The following SGCZ variants were observed in gnomAD, a reference collection of about 807,000 sequenced individuals.
SGCZ encodes zeta-sarcoglycan.
Under a neutral mutation model 41.3 loss-of-function variants are expected in SGCZ, and 40 were observed. The ratio of observed to expected loss-of-function variants is 0.97; its 90% confidence interval spans 0.75 to 1.26. SGCZ has a LOEUF of 1.26. SGCZ is among the 50% of genes most tolerant of loss of function. The pLI is 0.00. For missense variants in SGCZ, 552 were observed against 369.8 expected (o/e 1.49, Z -4.04); for synonymous variants, 206 against 137.5 (o/e 1.50, Z -3.49).
chr8:14,555,102 G>C (rs191412335), intron 1 of SGCZ, among the ~76,000 whole-genome samples, 176 bp from the exon 2 acceptor site: 3 of 151,934 alleles, frequency 2.0e-5, no homozygotes, highest in East Asian at 3.9e-4. Context: ...GAATCATTTT[G>C]TTCAATATAG....
chr8:14,346,772 T>C (rs1802903874), intron 2 of SGCZ, among the ~76,000 whole-genome samples: 1 of 152,084 alleles, frequency 6.6e-6, no homozygotes, highest in South Asian at 2.1e-4. Flanking sequence ...GTTAATGTTT[T>C]AGAAACAATT....
chr8:14,832,619 G>A (rs1253704881), intron 1 of SGCZ, among the ~76,000 whole-genome samples: 2 of 152,080 alleles, frequency 1.3e-5, no homozygotes, highest in Non-Finnish European at 1.5e-5. Flanking sequence ...AATGTGGAAG[G>A]CAAAAGGAGA....
chr8:15,112,574 G>GT (rs779671662), intron 1 of SGCZ, among the ~76,000 whole-genome samples: 1 of 152,196 alleles, frequency 6.6e-6, no homozygotes, highest in Non-Finnish European at 1.5e-5. Flanking sequence ...TAATGTGTCC[G>GT]TTTCTGGGCC....
chr8:14,179,142 A>G (rs576568800), intron 4 of SGCZ, among the ~76,000 whole-genome samples: 49 of 152,342 alleles, frequency 3.2e-4, no homozygotes, highest in Non-Finnish European at 6.3e-4. Context: ...CAATCCAGAA[A>G]TTATGTAAGA....
intron 2 of SGCZ, among the ~76,000 whole-genome samples, chr8:14,463,978 C>T (rs1053430583): frequency 1.2e-4 from 18 of 150,764 alleles, no homozygotes; most frequent in Admixed American, 9.9e-4. Flanking sequence ...TCTTATTGGC[C>T]ATGGTTTGTA....
At chr8:14,430,980 T>C (rs1799927779) in intron 2 of SGCZ, among the ~76,000 whole-genome samples, 1 of 152,114 alleles carries the variant, frequency 6.6e-6, no homozygotes, top group Admixed American at 6.5e-5. Context: ...GGAATACACC[T>C]AACCAAGGAG....
At chr8:14,598,647 T>C (rs1318951009) in intron 1 of SGCZ, among the ~76,000 whole-genome samples, 3 of 151,704 alleles carry the variant, frequency 2.0e-5, no homozygotes, top group Admixed American at 6.6e-5. Flanking sequence ...CCCACTTGAG[T>C]CTCCCAAATA....
At chr8:15,179,834 T>C (rs1800113612) in intron 1 of SGCZ, among the ~76,000 whole-genome samples, 1 of 152,084 alleles carries the variant, frequency 6.6e-6, no homozygotes, top group Non-Finnish European at 1.5e-5. Flanking sequence ...GAAGTAAAGG[T>C]ACTTTTCTCA....
chr8:14,227,297 A>T (rs1414198268), intron 4 of SGCZ, among the ~76,000 whole-genome samples: 12 of 152,106 alleles, frequency 7.9e-5, no homozygotes, highest in Admixed American at 7.9e-4. Flanking sequence ...AGAAAAGGTG[A>T]TCTCCAAAAT....
chr8:14,851,807 G>A (rs959786296), intron 1 of SGCZ, among the ~76,000 whole-genome samples: 4 of 152,028 alleles, frequency 2.6e-5, no homozygotes, highest in African/African-American at 9.7e-5. Flanking sequence ...ATCTAAGATG[G>A]TGGGGAAAGG....
At chr8:14,523,547 T>G (rs1456815907) in intron 2 of SGCZ, among the ~76,000 whole-genome samples, 1 of 152,082 alleles carries the variant, frequency 6.6e-6, no homozygotes, top group Non-Finnish European at 1.5e-5. Context: ...TATTCTTCTT[T>G]TCTTCTACAG....
rs557402882 is a variant in SGCZ, at chr8:14,416,512, T to G, written c.235-92308A>C. 2.6e-5 allele frequency among the ~76,000 whole-genome samples: 4 copies of G among 151,932 alleles called. No individual in the cohort carries two copies. In the South Asian group the frequency reaches 8.3e-4, roughly 32 times the overall value. On this transcript the variant is annotated intron_variant, in intron 2 of 7. Transcript: ENST00000382080. ...GAGAATCTGTATACAATTAGCAGAG[T>G]GAAGGCCCCAGATGCCTCCGACAGA...
intron 4 of SGCZ, among the ~76,000 whole-genome samples, chr8:14,195,226 T>C (rs1388364710): frequency 6.6e-6 from 1 of 151,996 alleles, no homozygotes; most frequent in Non-Finnish European, 1.5e-5. Context: ...TGGAGAAAAG[T>C]CAGGGACATG....
Position 14,089,387 on chromosome 8 carries a change from AAATAGATGGAG to A in SGCZ, c.*1045_*1055del, listed in dbSNP as rs1409360874. Among the ~76,000 whole-genome samples, 1 of 152,014 alleles carries A rather than the reference AAATAGATGGAG, an allele frequency of 6.6e-6. No homozygotes were observed. Among genetic ancestry groups the A allele is most frequent in the African/African-American group, 2.4e-5 (1 of 41,434 alleles). The stretch of plus-strand genomic sequence containing the variant: ...TCTTTAAATCTTAACCTCCAATAAA[AAATAGATGGAG>A]AATAATTCTGAAGATGATACCCCAA... On this transcript the variant is annotated 3_prime_UTR_variant, in exon 8 of 8. Coordinates refer to ENST00000382080, the MANE Select transcript of SGCZ (RefSeq NM_139167.4).
chr8:14,666,420 C>A (rs1807912230), intron 1 of SGCZ, among the ~76,000 whole-genome samples: 1 of 152,120 alleles, frequency 6.6e-6, no homozygotes, highest in Admixed American at 6.6e-5. Flanking sequence ...TAATTGGTGA[C>A]CAGATGCAGT....
chr8:14,729,817 G>C (rs1362501195), intron 1 of SGCZ, among the ~76,000 whole-genome samples: 1 of 152,180 alleles, frequency 6.6e-6, no homozygotes, highest in East Asian at 1.9e-4. Flanking sequence ...AGGCATGGTG[G>C]CTCACACCTG....
At chr8:14,985,326 C>T (rs1269444774) in intron 1 of SGCZ, among the ~76,000 whole-genome samples, 2 of 152,010 alleles carry the variant, frequency 1.3e-5, no homozygotes, top group Non-Finnish European at 2.9e-5. Flanking sequence ...TACTCTCATG[C>T]CCCGTTTTAT....
intron 2 of SGCZ, among the ~76,000 whole-genome samples, chr8:14,491,428 G>T (rs142255432): frequency 3.0e-4 from 45 of 152,244 alleles, no homozygotes; most frequent in Non-Finnish European, 5.6e-4. Context: ...TTTCTAAGGC[G>T]ATTTGAGTGC....
intron 1 of SGCZ, among the ~76,000 whole-genome samples, chr8:14,580,648 C>T (rs1446554286): frequency 6.6e-6 from 1 of 152,164 alleles, no homozygotes; most frequent in Non-Finnish European, 1.5e-5. Context: ...TTTATCAATA[C>T]ATGGATTAGG....
Sources: allele counts gnomAD v4.1 joint callset (sites outside exome capture counted in the v4.1 genomes callset), GRCh38; gene constraint gnomAD v4.1.1; transcripts MANE v1.5; gene names NCBI Gene and HGNC (gene_info 2026-07-23, HGNC 2026-07-21).